Variants in SNRNP200 observed in about 807,000 individuals in gnomAD.
SNRNP200 encodes the protein small nuclear ribonucleoprotein U5 subunit 200.
In SNRNP200, 66 loss-of-function variants were observed where a neutral mutation model predicts 255.2. The ratio of observed to expected loss-of-function variants is 0.26; its 90% CI spans 0.21 to 0.32. The LOEUF (loss-of-function observed/expected upper bound fraction) is 0.32, where lower values mean the gene tolerates loss of function less well. SNRNP200 is among the 10% of genes least tolerant of loss of function. The probability of loss-of-function intolerance (pLI) is 1.00; values close to 1 mark genes in which losing one functional copy is unlikely to be tolerated. For synonymous variants in SNRNP200, 939 were observed against 1,027.8 expected (o/e 0.91, Z 1.65); for missense variants, 1,585 against 2,749.8 (o/e 0.58, Z 9.47).
chr2:96,277,240 C>G lies in SNRNP200; in HGVS notation c.5933G>C (p.Gly1978Ala), dbSNP rs75956769. 7.8e-3 allele frequency: 12,516 copies of G among 1,614,092 alleles called. 69 individuals are homozygous for G. Among genetic ancestry groups the G allele is most frequent in the Non-Finnish European group, 8.6e-3 (10,189 of 1,179,994 alleles). The change falls in exon 42 of 45, where the codon GGA becomes GCA. Residue 1978 changes from glycine (G) to alanine (A), a missense_variant and splice_region_variant. By Grantham distance (60) the Gly-to-Ala change is moderately conservative (BLOSUM62 0). Coordinates refer to ENST00000323853, the MANE Select transcript of SNRNP200 (RefSeq NM_014014.5). The surrounding 1 kb of genome is among the most constrained non-coding windows in gnomAD (Gnocchi z 4.4). ...CATGATGTCGAAAACACTCTCCACT[C>G]CCTGCAGTGAGTATTCAGACGTCAG... ...SEHIKRCTDK[G>A]VESVFDIMEM...
intron 36 of SNRNP200, 115 bp downstream of exon 36, chr2:96,279,336 A>G: frequency 3.8e-6 from 3 of 794,306 alleles, no homozygotes; most frequent in South Asian, 1.5e-5. Flanking sequence ...AATTGTGTAA[A>G]TAAGAGAGGC....
intron 15 of SNRNP200, 25 bp from the exon 16 acceptor site, chr2:96,293,120 T>C (rs767220813): frequency 1.2e-6 from 2 of 1,614,128 alleles, no homozygotes; most frequent in African/African-American, 1.3e-5. Flanking sequence ...GTTAGACAAA[T>C]GAGGCTTTGG....
In SNRNP200 at chr2:96,290,014, T is replaced by C. The variant is rs751048758; in HGVS notation, c.2743-18A>G. 72 of 1,613,174 alleles carry C rather than the reference T, an allele frequency of 4.5e-5. No individual in the cohort carries two copies. Among genetic ancestry groups the C allele is most frequent in the Admixed American group, 8.3e-5 (5 of 59,994 alleles). ...ACCGCATCCTACAAGACACAGCTCA[T>C]GGTTCTTAGCATGGAGAAACTCTTG... On this transcript the variant is annotated intron_variant, in intron 20 of 44. Transcript: ENST00000323853. This position sits in a 1 kb window ranked among gnomAD's most constrained non-coding sequence, Gnocchi z 4.5.
chr2:96,298,218 T>C, intron 9 of SNRNP200, 66 bp downstream of exon 9: 2 of 1,608,368 alleles, frequency 1.2e-6, no homozygotes, highest in Non-Finnish European at 1.7e-6. Flanking sequence ...GAATTTAGCT[T>C]CATGCTGCAA....
chr2:96,282,832 A>G (rs1305513705), intron 34 of SNRNP200: 5 of 347,796 alleles, frequency 1.4e-5, no homozygotes, highest in Non-Finnish European at 2.8e-5. Flanking sequence ...CTTTCTTTAT[A>G]AATGACCCAG....
chr2:96,288,054 C>A (rs895199804), intron 24 of SNRNP200, 85 bp from the exon 25 acceptor site: 33 of 1,217,484 alleles, frequency 2.7e-5, no homozygotes, highest in Middle Eastern at 3.8e-4. Flanking sequence ...TTCATTACCT[C>A]CAGCTCTGAC....
intron 13 of SNRNP200, 68 bp from the exon 14 acceptor site, chr2:96,295,726 G>A: frequency 6.4e-7 from 1 of 1,558,156 alleles, no homozygotes; most frequent in South Asian, 1.1e-5. Context: ...TTCTGTTTGG[G>A]CAATTGGAGT....
At position 96,277,803 on chromosome 2, in the gene SNRNP200, C is replaced by T; in HGVS notation, c.5754+4G>A. ...GACCCCTCTGCCCCACACCCACACT[C>T]TACCTTACTAAGGATTTCCTCCGTA... On this transcript the variant is annotated splice_donor_region_variant and intron_variant, in intron 40 of 44. Transcript: ENST00000323853. This position sits in a 1 kb window ranked among gnomAD's most constrained non-coding sequence, Gnocchi z 4.4. The T allele has an allele frequency of 5.0e-6, 8 of 1,614,250 alleles. No individual in the cohort carries two copies. The highest frequency in any genetic ancestry group is 4.2e-6 in the Non-Finnish European group (5 of 1,180,048).
intron 21 of SNRNP200, 141 bp from the exon 22 acceptor site, chr2:96,289,520 T>C (rs2063870430): frequency 6.5e-6 from 6 of 923,440 alleles, no homozygotes; most frequent in South Asian, 1.4e-5. Flanking sequence ...ATTGTCCTAA[T>C]AGGACAACTG....
intron 2 of SNRNP200, 45 bp from the exon 3 acceptor site, chr2:96,303,375 C>A: frequency 6.2e-7 from 1 of 1,611,342 alleles, no homozygotes; most frequent in Non-Finnish European, 8.5e-7. Flanking sequence ...ACCTTTCGTC[C>A]CCAAGGGAAG....
Position 96,298,370 on chromosome 2 carries a change from T to C in SNRNP200, c.1033A>G (p.Arg345Gly). ...TCAGCTTCCATCTTTCCCATAATCC[T>C]TTCCTTTTCAGCTTCACTTTGTGCA... ...ASAQSEAEKERIMGKMEADPE... is the reference protein window; with the variant it reads ...ASAQSEAEKEGIMGKMEADPE... The change falls in exon 9 of 45, where the codon AGG (arginine) becomes GGG (glycine). Residue 345 changes from arginine to glycine, a missense_variant. Physicochemically the swap from Arg to Gly is moderately radical, Grantham distance 125 (BLOSUM62 -2). Coordinates refer to ENST00000323853, the MANE Select transcript of SNRNP200 (RefSeq NM_014014.5). 1 of 1,614,200 alleles carries C rather than the reference T, an allele frequency of 6.2e-7. No homozygotes were observed. Among genetic ancestry groups the C allele is most frequent in the Non-Finnish European group, 8.5e-7 (1 of 1,180,038 alleles).
rs1684624371 is a variant in SNRNP200 at position 96,274,693 on chromosome 2, A to G, written c.*319T>C. The G allele has an allele frequency of 2.5e-6, 1 of 392,222 alleles. No homozygotes were observed. Among genetic ancestry groups the G allele is most frequent in the Non-Finnish European group, 4.8e-6 (1 of 208,404 alleles). The allele number at this position is 392,222 out of a possible 1,614,324, so 24.3% of individuals were successfully genotyped here. Reference sequence around the variant, plus strand: ...TTTTGGCCGTGCCCTCAGGTTGGAGAAAGAAAACTTTTAATTTGGAATCAC... The same window carrying G: ...TTTTGGCCGTGCCCTCAGGTTGGAGGAAGAAAACTTTTAATTTGGAATCAC... On this transcript the variant is annotated 3_prime_UTR_variant, in exon 45 of 45. Transcript: ENST00000323853.
At position 96,286,192 on chromosome 2, in the gene SNRNP200, C is replaced by T; in HGVS notation, c.4003+119G>A. 2.0e-6 allele frequency: 2 copies of T among 1,002,044 alleles called. No homozygotes were observed. Among genetic ancestry groups the T allele is most frequent in the South Asian group, 2.6e-5 (2 of 78,044 alleles). 62.1% of individuals were successfully genotyped at this position (1,002,044 alleles called of 1,614,324 possible). On this transcript the variant is annotated intron_variant, in intron 29 of 44. Coordinates refer to ENST00000323853, the MANE Select transcript of SNRNP200 (RefSeq NM_014014.5). This position sits in a 1 kb window ranked among gnomAD's most constrained non-coding sequence, Gnocchi z 4.8. ...AAGTCCTGGTGGGTCCCAGCGGTCA[C>T]ACTGAGGAGCTCCCAGACCTCCCAA...
chr2:96,288,760 A>G lies in SNRNP200; in HGVS notation c.3175-14T>C, dbSNP rs769835325. 6.8e-6 allele frequency: 11 copies of G among 1,611,784 alleles called. No individual in the cohort carries two copies. The Admixed American group carries it at 1.8e-4, about 27-fold the overall frequency. ...AAGAACGTTGATCTGTAAAGAAGCA[A>G]AATCAGCCAGCAGGAGACCAATCAC... On this transcript the variant is annotated splice_polypyrimidine_tract_variant and intron_variant, in intron 23 of 44. Coordinates refer to ENST00000323853, the MANE Select transcript of SNRNP200 (RefSeq NM_014014.5).
intron 43 of SNRNP200, 115 bp from the exon 44 acceptor site, chr2:96,275,464 T>C: frequency 1.1e-6 from 1 of 884,486 alleles, no homozygotes; most frequent in Non-Finnish European, 1.9e-6. Context: ...TTCCAAAGTT[T>C]CTTCCCGAAA....
rs1029364849 is a variant in SNRNP200, at chr2:96,283,367, C to T, written c.4764-15G>A. ...AGTGCAAGAACCTGTGCGGTACAGG[C>T]ACTGGCTCAGCTCAGAGTAGTTCAA... On this transcript the variant is annotated splice_polypyrimidine_tract_variant and intron_variant, in intron 33 of 44. Coordinates refer to ENST00000323853, the MANE Select transcript of SNRNP200 (RefSeq NM_014014.5). This position sits in a 1 kb window ranked among gnomAD's most constrained non-coding sequence, Gnocchi z 4.7. 2.5e-6 allele frequency: 4 copies of T among 1,614,112 alleles called. No homozygotes were observed. Among genetic ancestry groups the T allele is most frequent in the Non-Finnish European group, 1.7e-6 (2 of 1,180,022 alleles).
rs1573991204 is a variant in SNRNP200 at position 96,283,037 on chromosome 2, G to A, written c.4915+164C>T. ...ATAGTGTTTGTCTCACCTGCCTCAC[G>A]AGGTTCTTGGGAGGATCAAATGAGT... On this transcript the variant is annotated intron_variant, in intron 34 of 44. Coordinates refer to ENST00000323853, the MANE Select transcript of SNRNP200 (RefSeq NM_014014.5). The surrounding 1 kb of genome is among the most constrained non-coding windows in gnomAD (Gnocchi z 4.7). 8 of 858,176 alleles carry A rather than the reference G, an allele frequency of 9.3e-6. No individual in the cohort carries two copies. Among genetic ancestry groups the A allele is most frequent in the East Asian group, 2.6e-5 (1 of 38,304 alleles). 53.2% of individuals were successfully genotyped at this position (858,176 alleles called of 1,614,324 possible).
chr2:96,275,484 A>G (rs903198848), intron 43 of SNRNP200, 135 bp from the exon 44 acceptor site: 1 of 782,532 alleles, frequency 1.3e-6, no homozygotes, highest in South Asian at 1.5e-5. Flanking sequence ...ATACAATTAG[A>G]TTTAACATTT....
Position 96,277,511 on chromosome 2 carries a change from C to T in SNRNP200, c.5931+28G>A. 6.2e-7 allele frequency: 1 copy of T among 1,611,708 alleles called. No individual in the cohort carries two copies. Among genetic ancestry groups the T allele is most frequent in the Non-Finnish European group, 8.5e-7 (1 of 1,179,560 alleles). ...AACACTGGGCTCTCAGGCTCACCCA[C>T]CTGACCCTCTAGGCTGACCCGGCTC... On this transcript the variant is annotated intron_variant, in intron 41 of 44. Coordinates refer to ENST00000323853, the MANE Select transcript of SNRNP200 (RefSeq NM_014014.5). This position sits in a 1 kb window ranked among gnomAD's most constrained non-coding sequence, Gnocchi z 4.4.
Sources: gnomAD v4.1 joint callset for allele counts on GRCh38, gnomAD v4.1.1 for gene constraint, Gnocchi (gnomAD v3.1) non-coding constraint, MANE v1.5 for transcripts, NCBI Gene and HGNC (gene_info 2026-07-23, HGNC 2026-07-21) for gene names.